The following MICU3 variants were observed in gnomAD, a reference collection of about 807,000 sequenced individuals.
The protein encoded by MICU3 is mitochondrial calcium uptake 3.
MICU3 carries 62 observed loss-of-function variants against 66.5 expected under a neutral mutation model. The ratio of observed to expected loss-of-function variants is 0.93; its 90% CI spans 0.76 to 1.15. The LOEUF is 1.15. MICU3 is among the 50% of genes most tolerant of loss of function. The pLI is 0.00. For missense variants in MICU3, 779 were observed against 664.4 expected (o/e 1.17, Z -1.90); for synonymous variants, 308 against 240.7 (o/e 1.28, Z -2.59).
At chr8:17,098,592 C>T (rs748910006) in intron 9 of MICU3, 39 bp downstream of exon 9, 3 of 1,297,252 alleles carry the variant, frequency 2.3e-6, no homozygotes, top group Admixed American at 1.8e-5. Context: ...TACTATTTGC[C>T]ATCTTGTTAA....
At chr8:17,110,774 G>GT (rs1205872011) in intron 11 of MICU3, among the ~76,000 whole-genome samples, 2 of 150,050 alleles carry the variant, frequency 1.3e-5, no homozygotes, top group African/African-American at 2.4e-5. Context: ...TTTTTTGTTT[G>GT]TTTTTTTGCC....
At chr8:17,035,870 G>C (rs1287165921) in intron 1 of MICU3, among the ~76,000 whole-genome samples, 21 of 152,170 alleles carry the variant, frequency 1.4e-4, no homozygotes, top group Admixed American at 1.4e-3. Context: ...CCAAATGTTA[G>C]TCACCAAGAC....
intron 1 of MICU3, among the ~76,000 whole-genome samples, chr8:17,036,465 C>T (rs1391721804): frequency 2.0e-5 from 3 of 152,148 alleles, no homozygotes; most frequent in African/African-American, 7.2e-5. Flanking sequence ...CCACATCCTG[C>T]TGATTGGTAG....
chr8:17,103,229 A>G (rs1473726039), intron 9 of MICU3, among the ~76,000 whole-genome samples: 3 of 151,934 alleles, frequency 2.0e-5, no homozygotes, highest in Non-Finnish European at 4.4e-5. Context: ...TATGAAGGAC[A>G]AAATTGCCAT....
intron 1 of MICU3, among the ~76,000 whole-genome samples, chr8:17,035,620 G>A (rs756475976): frequency 1.6e-4 from 24 of 152,198 alleles, no homozygotes; most frequent in Non-Finnish European, 2.6e-4. Context: ...AGATAATTTT[G>A]GCTATCTGTT....
downstream of MICU3, among the ~76,000 whole-genome samples, chr8:17,123,242 A>G (rs551094772): frequency 1.3e-5 from 2 of 152,254 alleles, no homozygotes; most frequent in Admixed American, 6.5e-5. Flanking sequence ...GTAGTTCTCT[A>G]TATAGCATAA....
chr8:17,061,741 T>C (rs1343493745), intron 1 of MICU3, among the ~76,000 whole-genome samples: 1 of 152,058 alleles, frequency 6.6e-6, no homozygotes, highest in Non-Finnish European at 1.5e-5. Context: ...TAGTCACAGA[T>C]GAGATTGGTT....
the MICU3 span, chr8:17,132,194 G>T: frequency 2.0e-5 from 3 of 152,220 alleles, no homozygotes; most frequent in East Asian, 1.9e-4. Context: ...AAGGGAGCAA[G>T]AAGAGGAAAA....
At chr8:17,036,562 A>T (rs1248479765) in intron 1 of MICU3, among the ~76,000 whole-genome samples, 1 of 152,112 alleles carries the variant, frequency 6.6e-6, no homozygotes, top group Admixed American at 6.5e-5. Context: ...TCCCCATCAG[A>T]TTAGTTAGAT....
chr8:17,099,818 A>G (rs1801101614), intron 9 of MICU3, among the ~76,000 whole-genome samples: 1 of 151,710 alleles, frequency 6.6e-6, no homozygotes, highest in Non-Finnish European at 1.5e-5. Context: ...ATCAACAGTC[A>G]TATCATTGTT....
At position 17,090,198 on chromosome 8, in the gene MICU3, G is replaced by A. The variant is rs958690605; in HGVS notation, c.850-348G>A. ...TTCCACTGCCTTGCTGCTGCATCTG[G>A]ATTTCCCCCTATGCCATGTAGCATT... On this transcript the variant is annotated intron_variant, in intron 7 of 14. Coordinates refer to ENST00000318063, the MANE Select transcript of MICU3 (RefSeq NM_181723.3). 6.6e-5 allele frequency among the ~76,000 whole-genome samples: 10 copies of A among 151,998 alleles called. 1 individual carries two copies. The highest frequency in any genetic ancestry group is 6.6e-4 in the Admixed American group (10 of 15,242).
intron 11 of MICU3, among the ~76,000 whole-genome samples, chr8:17,113,451 A>G (rs1238934485): frequency 6.6e-6 from 1 of 152,222 alleles, no homozygotes; most frequent in African/African-American, 2.4e-5. Flanking sequence ...ATGACATTCC[A>G]GAAGAGGCCA....
chr8:17,089,265 TTACAC>T (rs1412239663), intron 7 of MICU3, among the ~76,000 whole-genome samples: 1 of 151,986 alleles, frequency 6.6e-6, no homozygotes. Flanking sequence ...TAACAGCACT[TTACAC>T]TATAGCTCTC....
At chr8:17,128,858 C>T in the MICU3 span, among the ~76,000 whole-genome samples, 1 of 152,112 alleles carries the variant, frequency 6.6e-6, no homozygotes, top group Admixed American at 6.5e-5. Flanking sequence ...GGAAGGGGAG[C>T]TGTGCAGAAA....
intron 3 of MICU3, 67 bp from the exon 4 acceptor site, chr8:17,077,716 C>G: frequency 9.0e-7 from 1 of 1,114,434 alleles, no homozygotes; most frequent in South Asian, 1.4e-5. Context: ...GACATTTAAA[C>G]ATGTTTTTGA....
chr8:17,049,853 A>C (rs1041564738), intron 1 of MICU3, among the ~76,000 whole-genome samples: 2 of 152,180 alleles, frequency 1.3e-5, no homozygotes, highest in African/African-American at 4.8e-5. Context: ...AAATTTATCT[A>C]CATCTTTACA....
chr8:17,095,951 T>C (rs1273519377), intron 8 of MICU3, among the ~76,000 whole-genome samples: 1 of 151,956 alleles, frequency 6.6e-6, no homozygotes, highest in Non-Finnish European at 1.5e-5. Flanking sequence ...GCAAAAAATG[T>C]GTCACACTTA....
intron 9 of MICU3, among the ~76,000 whole-genome samples, chr8:17,104,054 G>C (rs905192294): frequency 9.9e-5 from 15 of 151,740 alleles, no homozygotes; most frequent in Admixed American, 9.8e-4. Flanking sequence ...AATAAAAATA[G>C]AATATTTAGA....
rs1799522541 is a variant in MICU3 at position 17,086,839 on chromosome 8, A to G, written c.778-125A>G. The G allele has an allele frequency of 5.4e-5, 35 of 646,494 alleles. 1 individual carries two copies. In the South Asian group the frequency reaches 5.6e-4, roughly 10 times the overall value. The allele number at this position is 646,494 out of a possible 1,614,324, so 40.0% of individuals were successfully genotyped here. ...TGAAATCAGAAAATAGATCTATAGC[A>G]GTTTAAATGTTCTTGGTGGATGAAG... On this transcript the variant is annotated intron_variant, in intron 6 of 14. Coordinates refer to ENST00000318063, the MANE Select transcript of MICU3 (RefSeq NM_181723.3).
Sources: gnomAD v4.1 joint callset for allele counts (sites outside exome capture counted in the v4.1 genomes callset) on GRCh38, gnomAD v4.1.1 for gene constraint, MANE v1.5 for transcripts, NCBI Gene and HGNC (gene_info 2026-07-23, HGNC 2026-07-21) for gene names.